Variants in VWF observed in about 807,000 individuals in gnomAD.
The protein encoded by VWF is Factor VIII related antigen.
Under a neutral mutation model 308.6 loss-of-function variants are expected in VWF, and 176 were observed. The ratio of observed to expected loss-of-function variants is 0.57; its 90% CI spans 0.50 to 0.65. The LOEUF is 0.65. VWF is among the 30% of genes least tolerant of loss of function. VWF has a pLI of 0.00. For synonymous variants in VWF, 1,385 were observed against 1,443.4 expected (o/e 0.96, Z 0.92); for missense variants, 3,146 against 3,648.2 (o/e 0.86, Z 3.55).
At chr12:5,961,190 G>A (rs1943310654) in intron 47 of VWF, among the ~76,000 whole-genome samples, 1 of 152,046 alleles carries the variant, frequency 6.6e-6, no homozygotes, top group Non-Finnish European at 1.5e-5. Context: ...CTACCTTATG[G>A]GAGTTATATA....
At chr12:5,950,661 T>C (rs1943178983) in intron 50 of VWF, among the ~76,000 whole-genome samples, 1 of 145,474 alleles carries the variant, frequency 6.9e-6, no homozygotes, top group Non-Finnish European at 1.5e-5. Flanking sequence ...AGAGGATGAA[T>C]TAAAAAAAAA....
chr12:6,072,874 T>TC (rs1944796791), intron 8 of VWF, among the ~76,000 whole-genome samples: 1 of 151,308 alleles, frequency 6.6e-6, no homozygotes, highest in Non-Finnish European at 1.5e-5. Context: ...CAATAACTTT[T>TC]TTTTTTTTTT....
At position 6,019,443 on chromosome 12, in the gene VWF, G is replaced by C; in HGVS notation, c.3975C>G (p.Ser1325=). The change falls in exon 28 of 52, where the codon TCC becomes TCG. Residue 1325 remains serine (S), a synonymous_variant. Coordinates refer to ENST00000261405, the MANE Select transcript of VWF (RefSeq NM_000552.5). This position sits in a 1 kb window ranked among gnomAD's most constrained non-coding sequence, Gnocchi z 5.8. Reference sequence around the variant, plus strand: ...GGTCCTTGAGCCCGATGTAGGCGTGGGAGCCGTCGTGGTACTCCACCACGG... The same window carrying C: ...GGTCCTTGAGCCCGATGTAGGCGTGCGAGCCGTCGTGGTACTCCACCACGG... The part of the protein sequence containing the change: ...RVAVVEYHDG[S]HAYIGLKDRK... 3 of 1,613,908 alleles carry C rather than the reference G, an allele frequency of 1.9e-6. No individual in the cohort carries two copies. The highest frequency in any genetic ancestry group is 1.7e-6 in the Non-Finnish European group (2 of 1,179,854).
At chr12:6,072,220 T>A (rs1944789331) in intron 9 of VWF, 111 bp downstream of exon 9, 2 of 990,740 alleles carry the variant, frequency 2.0e-6, no homozygotes, top group Admixed American at 2.0e-5. Context: ...AGTCTCTTCT[T>A]TCTTGGCACG....
Position 6,012,143 on chromosome 12 carries a change from C to T in VWF, c.5621-13G>A, listed in dbSNP as rs1944003642. ...ATCCTAACAAATCCTGCAACAGACA[C>T]AAATAAGACCTTAGTTCCCATCTTT... On this transcript the variant is annotated splice_polypyrimidine_tract_variant and intron_variant, in intron 32 of 51. Coordinates refer to ENST00000261405, the MANE Select transcript of VWF (RefSeq NM_000552.5). 3 of 1,613,814 alleles carry T rather than the reference C, an allele frequency of 1.9e-6. No individual in the cohort carries two copies. Among genetic ancestry groups the T allele is most frequent in the South Asian group, 2.2e-5 (2 of 91,082 alleles).
intron 26 of VWF, 27 bp from the exon 27 acceptor site, chr12:6,022,062 C>T (rs775909484): frequency 1.9e-6 from 3 of 1,613,802 alleles, no homozygotes; most frequent in South Asian, 2.2e-5. Flanking sequence ...TCATTAGGAA[C>T]CAAAACGCTC....
At chr12:6,066,663 G>A (rs1244660154) in intron 10 of VWF, among the ~76,000 whole-genome samples, 1 of 152,232 alleles carries the variant, frequency 6.6e-6, no homozygotes, top group Admixed American at 6.5e-5. Context: ...AAATGTAAGA[G>A]GGTCCTACAG....
chr12:5,996,408 G>A (rs912130713), intron 34 of VWF, among the ~76,000 whole-genome samples, 186 bp from the exon 35 acceptor site: 5 of 152,136 alleles, frequency 3.3e-5, no homozygotes, highest in Non-Finnish European at 7.3e-5. Context: ...GCTCTGAGAG[G>A]TAGAGAGGTT....
At chr12:5,973,924 G>A (rs896382154) in intron 43 of VWF, among the ~76,000 whole-genome samples, 4 of 152,156 alleles carry the variant, frequency 2.6e-5, no homozygotes, top group African/African-American at 9.7e-5. Flanking sequence ...CAAGGCCATC[G>A]CCTGAGGCCC....
rs774409291 is a variant in VWF, at chr12:6,046,836, T to C, written c.2187-19A>G. 22 of 1,611,932 alleles carry C rather than the reference T, an allele frequency of 1.4e-5. No homozygotes were observed. In the South Asian group the frequency reaches 1.4e-4, roughly 10 times the overall value. On this transcript the variant is annotated intron_variant, in intron 16 of 51. Transcript: ENST00000261405. This position sits in a 1 kb window ranked among gnomAD's most constrained non-coding sequence, Gnocchi z 5.0. ...ACAGTAGCTGCAGAGAAGAAAATCA[T>C]AGCCGAGCTTCACGAGACTCGTCTA...
intron 6 of VWF, among the ~76,000 whole-genome samples, chr12:6,086,909 A>T (rs935446251): frequency 6.6e-6 from 1 of 152,168 alleles, no homozygotes; most frequent in Non-Finnish European, 1.5e-5. Context: ...GACTGTTTAA[A>T]ATGTTAGCTC....
chr12:6,049,035 C>T (rs1207751599), intron 16 of VWF, among the ~76,000 whole-genome samples: 3 of 152,210 alleles, frequency 2.0e-5, no homozygotes, highest in Admixed American at 6.5e-5. Context: ...GCCTGGTCTG[C>T]AGAAGAAGAA....
intron 6 of VWF, among the ~76,000 whole-genome samples, chr12:6,088,874 G>T (rs1054581495): frequency 6.6e-6 from 1 of 152,220 alleles, no homozygotes; most frequent in Non-Finnish European, 1.5e-5. Flanking sequence ...GTGGAGACAG[G>T]CATTGGGTTT....
intron 3 of VWF, among the ~76,000 whole-genome samples, chr12:6,114,005 A>T (rs1355801322): frequency 6.6e-6 from 1 of 152,152 alleles, no homozygotes; most frequent in Non-Finnish European, 1.5e-5. Flanking sequence ...CCCTATTACC[A>T]CTGAGCCTGT....
chr12:5,967,353 A>G, intron 47 of VWF, 133 bp downstream of exon 47: 2 of 817,472 alleles, frequency 2.4e-6, no homozygotes, highest in Non-Finnish European at 4.3e-6. Context: ...TCTCTTCTTT[A>G]TTATTGTCAA....
chr12:5,997,389 C>T (rs946509812), intron 34 of VWF, among the ~76,000 whole-genome samples: 2 of 152,196 alleles, frequency 1.3e-5, no homozygotes, highest in Non-Finnish European at 2.9e-5. Context: ...TCTTAGCTCA[C>T]ACAAGGCAAG....
At chr12:6,099,165 C>A (rs1945135145) in intron 5 of VWF, among the ~76,000 whole-genome samples, 1 of 151,774 alleles carries the variant, frequency 6.6e-6, no homozygotes, top group South Asian at 2.1e-4. Flanking sequence ...ACTAAAACTA[C>A]AAAAATTAGC....
In VWF at chr12:6,018,900, C is replaced by T. The variant is rs146928422; in HGVS notation, c.4518G>A (p.Ser1506=). ...TGAAGTCGGCTTCACCAATTTTGTC[C>T]GATCCTTCCAGGACGAACGCCACAT... ...VLDVAFVLEG[S]DKIGEADFNR... Residue 1506 remains serine (S), a synonymous_variant, in exon 28 of 52, where the codon TCG becomes TCA. Coordinates refer to ENST00000261405, the MANE Select transcript of VWF (RefSeq NM_000552.5). 23 of 1,613,838 alleles carry T rather than the reference C, an allele frequency of 1.4e-5. No individual in the cohort carries two copies. The highest frequency in any genetic ancestry group is 1.5e-5 in the Non-Finnish European group (18 of 1,179,870).
Position 6,110,382 on chromosome 12 carries a change from G to A in VWF, c.524C>T (p.Thr175Ile), listed in dbSNP as rs201368895. Reference protein sequence around the residue: ...FNIFAEDDFMTQEGTLTSDPY... With the variant: ...FNIFAEDDFMIQEGTLTSDPY... ...ATCCCAGAACATCTTACCTTCTTGG[G>A]TCATAAAGTCATCTTCAGCAAAGAT... Residue 175 changes from threonine to isoleucine, a missense_variant, in exon 5 of 52, where the codon ACC becomes ATC. Transcript: ENST00000261405. 1.9e-6 allele frequency: 3 copies of A among 1,614,112 alleles called. No homozygotes were observed. Among genetic ancestry groups the A allele is most frequent in the Middle Eastern group, 1.6e-4 (1 of 6,062 alleles).
Sources: gnomAD v4.1 joint callset for allele counts (sites outside exome capture counted in the v4.1 genomes callset) on GRCh38, gnomAD v4.1.1 for gene constraint, Gnocchi (gnomAD v3.1) non-coding constraint, MANE v1.5 for transcripts, NCBI Gene and HGNC (gene_info 2026-07-23, HGNC 2026-07-21) for gene names.